CFAP92: variants seen among roughly 807,000 people sequenced by gnomAD.
CFAP92 encodes cilia and flagella associated protein 92 (putative), also known as uncharacterized protein CFAP92.
Under a neutral mutation model 106.3 loss-of-function variants are expected in CFAP92, and 86 were observed. The observed-to-expected ratio is 0.81, with a 90% CI of 0.68 to 0.97. CFAP92 has a LOEUF of 0.97. Among genes scored for constraint, CFAP92 ranks in the 50% least tolerant of loss-of-function variants. The probability of loss-of-function intolerance (pLI) is 0.00; values close to 1 mark genes in which losing one functional copy is unlikely to be tolerated. For synonymous variants in CFAP92, 477 were observed against 506.4 expected (o/e 0.94, Z 0.78); for missense variants, 1,204 against 1,283.8 (o/e 0.94, Z 0.95).
At chr3:128,989,383 ACT>A (rs1418287224) in intron 2 of CFAP92, among the ~76,000 whole-genome samples, 36 of 100,034 alleles carry the variant, frequency 3.6e-4, no homozygotes, top group African/African-American at 1.3e-3. Context: ...GGAGGAGAAA[ACT>A]CTGCATGGGG....
intron 8 of CFAP92, chr3:128,966,514 A>G (rs1942372011): frequency 6.6e-6 from 1 of 152,044 alleles, no homozygotes; most frequent in Non-Finnish European, 1.5e-5. Flanking sequence ...GGGTGGGTGA[A>G]TTGAGCCATT....
the CFAP92 span, among the ~76,000 whole-genome samples, chr3:129,023,049 G>A: frequency 1.3e-5 from 2 of 152,186 alleles, no homozygotes; most frequent in African/African-American, 4.8e-5. Context: ...CTGACTAACT[G>A]TGTTTCATTC....
the CFAP92 span, among the ~76,000 whole-genome samples, chr3:129,010,913 C>T: frequency 6.6e-6 from 1 of 152,206 alleles, no homozygotes; most frequent in Non-Finnish European, 1.5e-5. The surrounding 1 kb of genome is among the most constrained non-coding windows in gnomAD (Gnocchi z 4.3). Flanking sequence ...GGCCTAGGCT[C>T]AGAAGGCCCA....
chr3:128,910,357 CAG>C (rs1436403423), intron 15 of CFAP92, 24 bp from the exon 16 acceptor site: 15 of 1,465,180 alleles, frequency 1.0e-5, no homozygotes, highest in Middle Eastern at 2.0e-4. Context: ...GGGTGAGTGA[CAG>C]GGGTTCCTGA....
intron 9 of CFAP92, among the ~76,000 whole-genome samples, chr3:128,962,764 C>A (rs891376835): frequency 6.6e-6 from 1 of 152,168 alleles, no homozygotes; most frequent in Non-Finnish European, 1.5e-5. Flanking sequence ...GCTTCTAAAA[C>A]CTATAAACTC....
chr3:128,995,617 G>C (rs534908125), upstream of CFAP92, among the ~76,000 whole-genome samples: 1 of 152,348 alleles, frequency 6.6e-6, no homozygotes, highest in East Asian at 1.9e-4. Context: ...CCACTGGCCT[G>C]AGGCTGGTTT....
At chr3:128,976,850 G>A in intron 6 of CFAP92, 129 bp downstream of exon 6, 1 of 716,510 alleles carries the variant, frequency 1.4e-6, no homozygotes, top group South Asian at 1.6e-5. Flanking sequence ...TTCCCTGTTA[G>A]CTTAAGTTAG....
intron 9 of CFAP92, among the ~76,000 whole-genome samples, chr3:128,963,735 C>G (rs1198186062): frequency 6.7e-6 from 1 of 150,174 alleles, no homozygotes; most frequent in Non-Finnish European, 1.5e-5. Flanking sequence ...ATAGTACAAG[C>G]CACTAGCCCG....
At chr3:128,924,554 C>T (rs190083102) in intron 12 of CFAP92, among the ~76,000 whole-genome samples, 2 of 146,606 alleles carry the variant, frequency 1.4e-5, no homozygotes, top group Admixed American at 1.4e-4. Flanking sequence ...ATGTGATTCT[C>T]CTGCCTCAGC....
intron 2 of CFAP92, 53 bp downstream of exon 2, chr3:128,992,990 A>T: frequency 1.2e-6 from 2 of 1,600,476 alleles, no homozygotes; most frequent in Non-Finnish European, 8.6e-7. Flanking sequence ...TCCTGCAGAA[A>T]GTCATGCACC....
the CFAP92 span, among the ~76,000 whole-genome samples, chr3:129,015,669 G>T: frequency 3.3e-5 from 5 of 152,154 alleles, no homozygotes; most frequent in African/African-American, 1.2e-4. Flanking sequence ...AGTAAAGTTG[G>T]GGGGGTTCCC....
chr3:128,951,432 T>C (rs1240927119), intron 9 of CFAP92, among the ~76,000 whole-genome samples: 3 of 152,176 alleles, frequency 2.0e-5, no homozygotes, highest in African/African-American at 7.2e-5. Flanking sequence ...ACAGAGTTCC[T>C]GTTCTGGATC....
At chr3:128,924,170 G>A (rs2107690306) in intron 12 of CFAP92, among the ~76,000 whole-genome samples, 1 of 152,292 alleles carries the variant, frequency 6.6e-6, no homozygotes, top group African/African-American at 2.4e-5. Context: ...GGACTTGCAT[G>A]TCTGATATAA....
intron 7 of CFAP92, among the ~76,000 whole-genome samples, chr3:128,974,441 C>G (rs1488257449): frequency 1.3e-5 from 2 of 152,176 alleles, no homozygotes; most frequent in African/African-American, 2.4e-5. Context: ...GGGTTCTGCT[C>G]TCTTGACAGT....
chr3:128,926,067 G>C (rs774846582), intron 12 of CFAP92, among the ~76,000 whole-genome samples: 4 of 152,174 alleles, frequency 2.6e-5, no homozygotes, highest in Non-Finnish European at 5.9e-5. Flanking sequence ...TTGAATAAAA[G>C]TAAAACACTG....
intron 7 of CFAP92, among the ~76,000 whole-genome samples, chr3:128,973,106 T>C (rs761549540): frequency 6.6e-6 from 1 of 152,202 alleles, no homozygotes; most frequent in Non-Finnish European, 1.5e-5. Flanking sequence ...TATATACCCC[T>C]GTCTGTGAGG....
intron 15 of CFAP92, chr3:128,912,420 CTT>C: frequency 1.6e-6 from 2 of 1,240,734 alleles, no homozygotes; most frequent in African/African-American, 1.5e-5. Flanking sequence ...GGTGGGCTGA[CTT>C]TGTGGAAAAA....
At chr3:128,910,397 A>G in intron 15 of CFAP92, 64 bp from the exon 16 acceptor site, 1 of 1,419,078 alleles carries the variant, frequency 7.0e-7, no homozygotes, top group Non-Finnish European at 9.3e-7. Context: ...CCAGCAAGGG[A>G]CAGACCCTGC....
intron 9 of CFAP92, among the ~76,000 whole-genome samples, chr3:128,946,673 C>T (rs539495628): frequency 6.6e-6 from 1 of 152,112 alleles, no homozygotes; most frequent in Non-Finnish European, 1.5e-5. Context: ...CCCGGATTGG[C>T]GGTGCTCCCA....
Sources: allele counts gnomAD v4.1 joint callset (sites outside exome capture counted in the v4.1 genomes callset), GRCh38; gene constraint gnomAD v4.1.1; non-coding constraint Gnocchi (gnomAD v3.1); transcripts MANE v1.5; gene names NCBI Gene and HGNC (gene_info 2026-07-23, HGNC 2026-07-21).